LEF1: variants seen among roughly 807,000 people sequenced by gnomAD.
LEF1 encodes lymphoid enhancer-binding factor 1.
A neutral mutation model predicts 51.2 loss-of-function variants in LEF1; 14 were observed. The ratio of observed to expected loss-of-function variants is 0.27; its 90% CI spans 0.18 to 0.43. LEF1 has a LOEUF of 0.43. Ranked by LOEUF, LEF1 falls within the 20% of genes least tolerant of loss-of-function variation. The pLI is 1.00. For missense variants in LEF1, 386 were observed against 512.0 expected (o/e 0.75, Z 2.37); for synonymous variants, 185 against 183.2 (o/e 1.01, Z -0.08).
intron 4 of LEF1, among the ~76,000 whole-genome samples, chr4:108,086,057 C>T (rs1424304073): frequency 6.6e-6 from 1 of 152,172 alleles, no homozygotes; most frequent in Admixed American, 6.5e-5. Context: ...ATATTATCAA[C>T]CACTTGGCAT....
At chr4:108,059,558 T>C (rs568592222) in intron 11 of LEF1, among the ~76,000 whole-genome samples, 2 of 152,242 alleles carry the variant, frequency 1.3e-5, no homozygotes, top group East Asian at 3.9e-4. Flanking sequence ...CCTCAAGTGA[T>C]GGTATATACC....
intron 3 of LEF1, among the ~76,000 whole-genome samples, chr4:108,161,048 C>T (rs1250098715): frequency 6.6e-6 from 1 of 152,220 alleles, no homozygotes; most frequent in Admixed American, 6.5e-5. Flanking sequence ...ATGCTCCTGA[C>T]ACCCTAGATG....
Position 108,167,338 on chromosome 4 carries a change from C to CT in LEF1, c.213+216dup, listed in dbSNP as rs1304621580. ...ATTTGGAATAAGTTACCCTGCCCCTCTACCTCCCATCCTACACACACACAC... is the reference window on the plus strand; with the variant it reads ...ATTTGGAATAAGTTACCCTGCCCCTCTTACCTCCCATCCTACACACACACAC... On this transcript the variant is annotated intron_variant, in intron 1 of 11. Coordinates refer to ENST00000265165, the MANE Select transcript of LEF1 (RefSeq NM_016269.5). The surrounding 1 kb of genome is among the most constrained non-coding windows in gnomAD (Gnocchi z 5.7). 6.7e-6 allele frequency among the ~76,000 whole-genome samples: 1 copy of CT among 148,990 alleles called. No homozygotes were observed.
chr4:108,077,504 A>G (rs2126284426), intron 8 of LEF1, among the ~76,000 whole-genome samples: 1 of 53,780 alleles, frequency 1.9e-5, no homozygotes, highest in East Asian at 8.9e-4. Flanking sequence ...CCGTCTGGGA[A>G]GTGAGGGGCG....
rs965085827 is a variant in LEF1, at chr4:108,166,667, C to A, written c.213+888G>T. 40 of 1,003,246 alleles carry A rather than the reference C, an allele frequency of 4.0e-5. No homozygotes were observed. The South Asian group carries it at 8.1e-4, about 20-fold the overall frequency. 62.1% of individuals were successfully genotyped at this position (1,003,246 alleles called of 1,614,324 possible). Reference sequence around the variant, plus strand: ...ACTCTACTCAGGTTACCAGCTCTATCGCCCGCAGCGGGCCAGAAGACCCGA... The same window carrying A: ...ACTCTACTCAGGTTACCAGCTCTATAGCCCGCAGCGGGCCAGAAGACCCGA... On this transcript the variant is annotated intron_variant, in intron 1 of 11. Coordinates refer to ENST00000265165, the MANE Select transcript of LEF1 (RefSeq NM_016269.5).
At chr4:108,129,822 G>A (rs1742756293) in intron 3 of LEF1, among the ~76,000 whole-genome samples, 1 of 152,164 alleles carries the variant, frequency 6.6e-6, no homozygotes, top group African/African-American at 2.4e-5. Context: ...CAAAAAATGT[G>A]ATACAAATTT....
At chr4:108,134,640 C>T (rs779933483) in intron 3 of LEF1, among the ~76,000 whole-genome samples, 6 of 152,198 alleles carry the variant, frequency 3.9e-5, no homozygotes, top group Non-Finnish European at 8.8e-5. Flanking sequence ...AAAAAGAGCA[C>T]GTATTGCCCA....
chr4:108,103,294 T>A (rs560390015), intron 3 of LEF1, among the ~76,000 whole-genome samples: 10 of 152,330 alleles, frequency 6.6e-5, no homozygotes, highest in African/African-American at 2.2e-4. Flanking sequence ...GTACAATCAA[T>A]CAGTATATTA....
intron 9 of LEF1, among the ~76,000 whole-genome samples, chr4:108,068,750 T>C (rs1279794566): frequency 6.6e-6 from 1 of 152,246 alleles, no homozygotes; most frequent in Non-Finnish European, 1.5e-5. Flanking sequence ...AGTTTCCATG[T>C]GTGCATGACC....
intron 10 of LEF1, among the ~76,000 whole-genome samples, chr4:108,063,916 TA>T (rs1380270912): frequency 6.6e-6 from 1 of 152,142 alleles, no homozygotes; most frequent in Non-Finnish European, 1.5e-5. Context: ...TTTAAATTTT[TA>T]AAAAACCCAA....
intron 11 of LEF1, among the ~76,000 whole-genome samples, chr4:108,057,959 C>T (rs1192034286): frequency 3.3e-5 from 5 of 151,622 alleles, no homozygotes; most frequent in East Asian, 1.9e-4. Context: ...CTGCAACCTG[C>T]GCCTCCCAGG....
chr4:108,126,804 C>CA (rs11329450), intron 3 of LEF1, among the ~76,000 whole-genome samples: 47,919 of 97,096 alleles, frequency 0.49, 11,975 homozygotes, highest in Non-Finnish European at 0.57. Flanking sequence ...GACTTTCTCT[C>CA]AAAAAAAAAA....
chr4:108,076,720 CAT>C (rs1465311434), intron 8 of LEF1, among the ~76,000 whole-genome samples: 2 of 152,144 alleles, frequency 1.3e-5, no homozygotes, highest in Non-Finnish European at 1.5e-5. Flanking sequence ...AATCTCCAGG[CAT>C]CATGCCTGAC....
At chr4:108,149,187 C>T (rs1225533328) in intron 3 of LEF1, among the ~76,000 whole-genome samples, 2 of 151,972 alleles carry the variant, frequency 1.3e-5, no homozygotes, top group Non-Finnish European at 1.5e-5. Flanking sequence ...TGGCCGGGCG[C>T]GGTGGCTCAC....
intron 3 of LEF1, among the ~76,000 whole-genome samples, chr4:108,140,202 A>T (rs530133548): frequency 6.6e-6 from 1 of 152,306 alleles, no homozygotes; most frequent in East Asian, 1.9e-4. Context: ...GTTATATTTT[A>T]GAGGGAGGGG....
chr4:108,148,098 T>C (rs1744109200), intron 3 of LEF1, among the ~76,000 whole-genome samples: 1 of 152,134 alleles, frequency 6.6e-6, no homozygotes, highest in Admixed American at 6.5e-5. Context: ...AGTGACACAG[T>C]ACCAACAGCA....
At chr4:108,166,701 C>T (rs1745419514) in intron 1 of LEF1, 2 of 995,020 alleles carry the variant, frequency 2.0e-6, no homozygotes, top group South Asian at 4.6e-5. Flanking sequence ...GATAAAGCGC[C>T]TTCCACCCTG....
chr4:108,136,104 C>T (rs563926960), intron 3 of LEF1, among the ~76,000 whole-genome samples: 1 of 152,170 alleles, frequency 6.6e-6, no homozygotes, highest in Non-Finnish European at 1.5e-5. Flanking sequence ...AAAAACAAAA[C>T]AAGTTATGGT....
intron 3 of LEF1, among the ~76,000 whole-genome samples, chr4:108,145,547 T>C (rs546485468): frequency 1.8e-4 from 27 of 152,340 alleles, no homozygotes; most frequent in South Asian, 1.4e-3. Flanking sequence ...TATCAATTGA[T>C]TTCACTTTTC....
Sources: gnomAD v4.1 joint callset for allele counts (sites outside exome capture counted in the v4.1 genomes callset) on GRCh38, gnomAD v4.1.1 for gene constraint, Gnocchi (gnomAD v3.1) non-coding constraint, MANE v1.5 for transcripts, NCBI Gene and HGNC (gene_info 2026-07-23, HGNC 2026-07-21) for gene names.